SLC6A18: variants seen among roughly 807,000 people sequenced by gnomAD.
SLC6A18 encodes solute carrier family 6 member 18.
In SLC6A18, 58 loss-of-function variants were observed where a neutral mutation model predicts 62.9. That is an observed-to-expected ratio of 0.92 (90% CI 0.75 to 1.15). SLC6A18 has a LOEUF of 1.15. Ranked by LOEUF, SLC6A18 falls within the 50% of genes most tolerant of loss-of-function variation. The pLI is 0.00. For missense variants in SLC6A18, 793 were observed against 836.6 expected, an observed-to-expected ratio of 0.95 and a Z score of 0.64; for synonymous variants, 382 against 365.8, an observed-to-expected ratio of 1.04 and a Z score of -0.51.
chr5:1,228,855 G>C (rs1746650630), intron 1 of SLC6A18, among the ~76,000 whole-genome samples: 1 of 152,242 alleles, frequency 6.6e-6, no homozygotes, highest in East Asian at 1.9e-4. Context: ...CTGGATGACA[G>C]AGAAAGATGC....
intron 4 of SLC6A18, among the ~76,000 whole-genome samples, chr5:1,236,574 T>C (rs1266795463): frequency 6.6e-6 from 1 of 151,930 alleles, no homozygotes; most frequent in Admixed American, 6.5e-5. Context: ...GCAAGAAGAG[T>C]TCTTACCCTG....
intron 3 of SLC6A18, among the ~76,000 whole-genome samples, chr5:1,233,871 A>T (rs945686775): frequency 3.3e-5 from 5 of 151,694 alleles, no homozygotes; most frequent in Non-Finnish European, 5.9e-5. Context: ...CCTCCCAAAT[A>T]GCTAGGACTA....
At chr5:1,232,153 T>C in intron 1 of SLC6A18, 66 bp from the exon 2 acceptor site, 1 of 1,389,678 alleles carries the variant, frequency 7.2e-7, no homozygotes. Flanking sequence ...TGGCTCCCCC[T>C]GGCCCACGCC....
chr5:1,244,183 T>TTCCCCCCCC, intron 9 of SLC6A18, 31 bp from the exon 10 acceptor site: 6 of 710,300 alleles, frequency 8.4e-6, no homozygotes, highest in South Asian at 2.9e-5. Context: ...CCCATCCCCT[T>TTCCCCCCCC]ACCCCCCACA....
In SLC6A18 at chr5:1,237,901, ACAGAC is replaced by A. The variant is rs559517106; in HGVS notation, c.622-44_622-40del. On this transcript the variant is annotated intron_variant, in intron 4 of 11. Transcript: ENST00000324642. ...CTGCCTGCTTCTCTGAGGCTTGTGG[ACAGAC>A]CAGAGGCCATTTCAAGTCTCATGAC... 2.4e-4 allele frequency: 342 copies of A among 1,449,440 alleles called. 1 individual carries two copies. The African/African-American group carries it at 4.6e-3, about 19-fold the overall frequency. The allele number at this position is 1,449,440 out of a possible 1,614,324, so 89.8% of individuals were successfully genotyped here.
intron 1 of SLC6A18, among the ~76,000 whole-genome samples, chr5:1,228,926 G>A (rs1579524624): frequency 6.6e-6 from 1 of 152,162 alleles, no homozygotes. Flanking sequence ...TGGAATCAAC[G>A]CTTCTTCTTC....
chr5:1,229,749 G>T (rs113311799), intron 1 of SLC6A18, among the ~76,000 whole-genome samples: 2 of 149,938 alleles, frequency 1.3e-5, no homozygotes, highest in Non-Finnish European at 3.0e-5. Context: ...GCTGGAGGTC[G>T]GGGGGAAGAA....
chr5:1,226,316 C>T (rs555770299), intron 1 of SLC6A18, among the ~76,000 whole-genome samples: 2 of 152,294 alleles, frequency 1.3e-5, no homozygotes, highest in East Asian at 1.9e-4. Flanking sequence ...CTCCATGTGG[C>T]GACACAGGAT....
chr5:1,245,805 C>T (rs1229238568), intron 11 of SLC6A18, 43 bp from the exon 12 acceptor site: 4 of 1,563,154 alleles, frequency 2.6e-6, no homozygotes, highest in Non-Finnish European at 3.5e-6. Context: ...AGCCTCACGG[C>T]CCAGGGTGGC....
At chr5:1,236,911 C>G (rs767931355) in intron 4 of SLC6A18, among the ~76,000 whole-genome samples, 4 of 152,012 alleles carry the variant, frequency 2.6e-5, no homozygotes, top group Non-Finnish European at 5.9e-5. Flanking sequence ...GCCAGAAATT[C>G]CAAATAATCC....
intron 11 of SLC6A18, 74 bp downstream of exon 11, chr5:1,244,841 G>C: frequency 6.7e-7 from 1 of 1,487,112 alleles, no homozygotes; most frequent in Non-Finnish European, 9.1e-7. Context: ...GGTGCCATCC[G>C]GTGCCCGACG....
At position 1,245,899 on chromosome 5, in the gene SLC6A18, G is replaced by A; in HGVS notation, c.1708G>A (p.Ala570Thr). The A allele has an allele frequency of 1.2e-6, 2 of 1,607,652 alleles. No individual in the cohort carries two copies. The highest frequency in any genetic ancestry group is 8.5e-7 in the Non-Finnish European group (1 of 1,179,336). ...GCTCTACCCGGGCTGGGCGCGCGCC[G>A]CCTGTGTGCTGCTGTCCTTGCTGCC... ...EKLYPGWARA[A>T]CVLLSLLPVL... The change falls in exon 12 of 12, where the codon GCC becomes ACC. Residue 570 changes from alanine (A) to threonine (T), a missense_variant. Physicochemically the swap from Ala to Thr is moderately conservative, Grantham distance 58 (BLOSUM62 0). Transcript: ENST00000324642.
chr5:1,244,160 C>A, intron 9 of SLC6A18, 54 bp from the exon 10 acceptor site: 2 of 1,175,364 alleles, frequency 1.7e-6, no homozygotes, highest in South Asian at 1.3e-5. Flanking sequence ...TGACCCTCCC[C>A]ACACCTCCAC....
chr5:1,245,006 C>T (rs543525383), intron 11 of SLC6A18, among the ~76,000 whole-genome samples: 6 of 152,246 alleles, frequency 3.9e-5, no homozygotes, highest in African/African-American at 7.2e-5. Context: ...CATGGGCAAG[C>T]GCCTGGTCAG....
At chr5:1,244,914 C>A in intron 11 of SLC6A18, 147 bp downstream of exon 11, 1 of 969,382 alleles carries the variant, frequency 1.0e-6, no homozygotes, top group Non-Finnish European at 1.5e-6. Flanking sequence ...GCCTGGCAAA[C>A]TGGGAAGCCA....
Position 1,240,545 on chromosome 5 carries a change from A to G in SLC6A18, c.860A>G (p.Lys287Arg). Residue 287 changes from lysine to arginine, a missense_variant, in exon 7 of 12, where the codon AAG becomes AGG. Physicochemically the swap from Lys to Arg is conservative, Grantham distance 26. Coordinates refer to ENST00000324642, the MANE Select transcript of SLC6A18 (RefSeq NM_182632.3). ...SYNSPRNDCQKDAVVIALVNR... is the reference protein window; with the variant it reads ...SYNSPRNDCQRDAVVIALVNR... ...TTTGTGCCCAGGAATGACTGCCAGA[A>G]GGATGCGGTGGTCATCGCCCTGGTC... 1 of 1,614,134 alleles carries G rather than the reference A, an allele frequency of 6.2e-7. No homozygotes were observed.
chr5:1,230,685 C>G (rs372732298), intron 1 of SLC6A18, among the ~76,000 whole-genome samples: 1 of 152,178 alleles, frequency 6.6e-6, no homozygotes, highest in Non-Finnish European at 1.5e-5. Context: ...AGAAGCCGGA[C>G]CCTGCCTGGC....
In SLC6A18 at chr5:1,235,425, C is replaced by T. The variant is rs1016132393; in HGVS notation, c.440-56C>T. ...CCAGGGAAATTGAGCTCAAGAGCCACATGGTGAGGGTGCCTACGCCCCACA... is the reference window on the plus strand; with the variant it reads ...CCAGGGAAATTGAGCTCAAGAGCCATATGGTGAGGGTGCCTACGCCCCACA... On this transcript the variant is annotated intron_variant, in intron 3 of 11. Coordinates refer to ENST00000324642, the MANE Select transcript of SLC6A18 (RefSeq NM_182632.3). 5 of 1,566,788 alleles carry T rather than the reference C, an allele frequency of 3.2e-6. No homozygotes were observed. In the African/African-American group the frequency reaches 6.8e-5, roughly 21 times the overall value.
rs138211321 is a variant in SLC6A18, at chr5:1,236,524, C to T, written c.621+862C>T. On this transcript the variant is annotated intron_variant, in intron 4 of 11. Coordinates refer to ENST00000324642, the MANE Select transcript of SLC6A18 (RefSeq NM_182632.3). Reference sequence around the variant, plus strand: ...TTTCCATTGGGAGCAGCAGAAAGGACCAGTAGAACCTGAGCCTCCTGCTTG... The same window carrying T: ...TTTCCATTGGGAGCAGCAGAAAGGATCAGTAGAACCTGAGCCTCCTGCTTG... Among the ~76,000 whole-genome samples the T allele has an allele frequency of 9.6e-4, 146 of 152,336 alleles. 1 individual carries two copies. In the Middle Eastern group the frequency reaches 0.01, roughly 11 times the overall value.
Sources: gnomAD v4.1 joint callset for allele counts (sites outside exome capture counted in the v4.1 genomes callset) on GRCh38, gnomAD v4.1.1 for gene constraint, MANE v1.5 for transcripts, NCBI Gene and HGNC (gene_info 2026-07-23, HGNC 2026-07-21) for gene names.